SLC44A5: variants seen among roughly 807,000 people sequenced by gnomAD.
SLC44A5 encodes the protein solute carrier family 44 member 5, also known as choline transporter-like protein 5.
Under a neutral mutation model 101.8 loss-of-function variants are expected in SLC44A5, and 57 were observed. That is an observed-to-expected ratio of 0.56 (90% CI 0.45 to 0.70). The LOEUF (loss-of-function observed/expected upper bound fraction) is 0.70, where lower values mean the gene tolerates loss of function less well. SLC44A5 is among the 30% of genes least tolerant of loss of function. The pLI is 0.00. For synonymous variants in SLC44A5, 281 were observed against 290.9 expected (o/e 0.97, Z 0.35); for missense variants, 737 against 853.1 (o/e 0.86, Z 1.70).
chr1:75,322,034 C>T (rs1187878056), intron 4 of SLC44A5, among the ~76,000 whole-genome samples: 3 of 152,120 alleles, frequency 2.0e-5, no homozygotes, highest in Non-Finnish European at 4.4e-5. Flanking sequence ...TGTTTACAGG[C>T]CAGGTGTGGT....
At chr1:75,683,190 C>T in the SLC44A5 span, among the ~76,000 whole-genome samples, 1 of 151,198 alleles carries the variant, frequency 6.6e-6, no homozygotes, top group Non-Finnish European at 1.5e-5. Flanking sequence ...TTGTGGAAGT[C>T]AGTGTGGCGA....
intron 3 of SLC44A5, among the ~76,000 whole-genome samples, chr1:75,392,869 G>GA (rs1343271155): frequency 1.3e-5 from 2 of 152,178 alleles, no homozygotes; most frequent in Admixed American, 1.3e-4. Context: ...GATGTAGGTG[G>GA]AGGCCATCAT....
chr1:75,373,629 A>G (rs964964996), intron 3 of SLC44A5, among the ~76,000 whole-genome samples: 4 of 152,138 alleles, frequency 2.6e-5, no homozygotes, highest in Non-Finnish European at 5.9e-5. Flanking sequence ...GGAGAGAGCA[A>G]GGCTGCCTTT....
chr1:75,569,154 T>A (rs1288949417), intron 1 of SLC44A5, among the ~76,000 whole-genome samples: 1 of 151,876 alleles, frequency 6.6e-6, no homozygotes, highest in African/African-American at 2.4e-5. Context: ...AACTCAAATG[T>A]CACCTCCTCC....
At chr1:75,512,377 C>T (rs557496205) in intron 2 of SLC44A5, among the ~76,000 whole-genome samples, 1 of 152,278 alleles carries the variant, frequency 6.6e-6, no homozygotes, top group African/African-American at 2.4e-5. Flanking sequence ...AAAATTAATC[C>T]CATTTTAACT....
intron 4 of SLC44A5, among the ~76,000 whole-genome samples, chr1:75,324,101 C>T (rs187614934): frequency 1.4e-4 from 22 of 152,256 alleles, no homozygotes; most frequent in Admixed American, 5.2e-4. Context: ...TGGATATGAA[C>T]GTCTTTTGAC....
At chr1:75,599,117 G>A (rs1674820200) in intron 1 of SLC44A5, among the ~76,000 whole-genome samples, 1 of 151,334 alleles carries the variant, frequency 6.6e-6, no homozygotes, top group African/African-American at 2.4e-5. Context: ...TTCAATAAAT[G>A]TTCATTTAGT....
At chr1:75,345,298 T>C (rs1040219640) in intron 3 of SLC44A5, among the ~76,000 whole-genome samples, 2 of 150,680 alleles carry the variant, frequency 1.3e-5, no homozygotes, top group African/African-American at 2.5e-5. Context: ...AAAAACTGGG[T>C]ATCAAATTAA....
At chr1:75,208,197 C>T (rs1646785257) in intron 23 of SLC44A5, among the ~76,000 whole-genome samples, 1 of 152,164 alleles carries the variant, frequency 6.6e-6, no homozygotes, top group African/African-American at 2.4e-5. Flanking sequence ...CTCACTCTGT[C>T]ACCTAGCCTG....
At chr1:75,722,434 CTG>C in the SLC44A5 span, among the ~76,000 whole-genome samples, 1 of 152,206 alleles carries the variant, frequency 6.6e-6, no homozygotes, top group African/African-American at 2.4e-5. Flanking sequence ...AAGCAGCAAA[CTG>C]TTTCTCATAA....
the SLC44A5 span, among the ~76,000 whole-genome samples, chr1:75,703,481 A>T: frequency 6.6e-6 from 1 of 151,834 alleles, no homozygotes; most frequent in African/African-American, 2.4e-5. Flanking sequence ...TGGACACAGG[A>T]AGGGGAACAT....
At chr1:75,521,193 T>C (rs1374566457) in intron 2 of SLC44A5, among the ~76,000 whole-genome samples, 2 of 152,166 alleles carry the variant, frequency 1.3e-5, no homozygotes, top group African/African-American at 2.4e-5. Flanking sequence ...AAATATCACA[T>C]TGAAGTTGAG....
chr1:75,252,277 A>G (rs796744871), intron 6 of SLC44A5, among the ~76,000 whole-genome samples: 5 of 152,364 alleles, frequency 3.3e-5, no homozygotes, highest in African/African-American at 1.2e-4. Context: ...ACTCCCCAGT[A>G]AATTAATGTG....
In SLC44A5 at chr1:75,208,774, C is replaced by T. The variant is rs139257390; in HGVS notation, c.2047+2694G>A. On this transcript the variant is annotated intron_variant, in intron 23 of 23. Transcript: ENST00000370859. ...CTTAAGGTACTGGTAAGAAGTCTGGCCTGGATCACATTAATAAGCATCTAC... is the reference window on the plus strand; with the variant it reads ...CTTAAGGTACTGGTAAGAAGTCTGGTCTGGATCACATTAATAAGCATCTAC... Among the ~76,000 whole-genome samples, 27 of 152,156 alleles carry T rather than the reference C, an allele frequency of 1.8e-4. No homozygotes were observed. The East Asian group carries it at 5.2e-3, about 29-fold the overall frequency.
At chr1:75,523,149 C>G (rs1289570990) in intron 2 of SLC44A5, among the ~76,000 whole-genome samples, 1 of 152,118 alleles carries the variant, frequency 6.6e-6, no homozygotes, top group African/African-American at 2.4e-5. Flanking sequence ...GCCAAGAACT[C>G]ACTGAAGAGA....
intron 12 of SLC44A5, among the ~76,000 whole-genome samples, chr1:75,232,394 A>G (rs1015853824): frequency 4.6e-5 from 7 of 152,140 alleles, no homozygotes; most frequent in Non-Finnish European, 8.8e-5. Flanking sequence ...GGCAAAGGGC[A>G]GAGTTTATTT....
chr1:75,582,577 C>A, intron 1 of SLC44A5: 1 of 406,916 alleles, frequency 2.5e-6, no homozygotes, highest in Non-Finnish European at 4.4e-6. Flanking sequence ...CTCCATCTGC[C>A]AATATGAGGA....
At chr1:75,615,476 C>CACACACAT, upstream of SLC44A5, among the ~76,000 whole-genome samples, 1 of 133,618 alleles carries the variant, frequency 7.5e-6, no homozygotes, top group African/African-American at 2.6e-5. Flanking sequence ...CACACACACA[C>CACACACAT]ACGAGAGGGA....
intron 3 of SLC44A5, among the ~76,000 whole-genome samples, chr1:75,357,614 C>A (rs1659176678): frequency 6.6e-6 from 1 of 151,988 alleles, no homozygotes; most frequent in Non-Finnish European, 1.5e-5. Context: ...CCAAGAAAAG[C>A]CTCATGTAAG....
Sources: gnomAD v4.1 joint callset for allele counts (sites outside exome capture counted in the v4.1 genomes callset) on GRCh38, gnomAD v4.1.1 for gene constraint, MANE v1.5 for transcripts, NCBI Gene and HGNC (gene_info 2026-07-23, HGNC 2026-07-21) for gene names.